The following DIAPH3 variants were observed in gnomAD, a reference collection of about 807,000 sequenced individuals.
DIAPH3 encodes protein diaphanous homolog 3.
DIAPH3 carries 117 observed loss-of-function variants against 144.3 expected under a neutral mutation model. That is an observed-to-expected ratio of 0.81 (90% confidence interval 0.70 to 0.95). The LOEUF (loss-of-function observed/expected upper bound fraction) is 0.95, where lower values mean the gene tolerates loss of function less well. Ranked by LOEUF, DIAPH3 falls within the 40% of genes least tolerant of loss-of-function variation. DIAPH3 has a pLI of 0.00. For missense variants in DIAPH3, 1,421 were observed against 1,412.7 expected (o/e 1.01, Z -0.09); for synonymous variants, 519 against 488.9 (o/e 1.06, Z -0.81).
intron 20 of DIAPH3, among the ~76,000 whole-genome samples, chr13:59,909,040 G>A (rs2046867958): frequency 6.6e-6 from 1 of 152,072 alleles, no homozygotes; most frequent in Non-Finnish European, 1.5e-5. Context: ...ATGTTTTTAA[G>A]GCAAGGATGT....
At chr13:59,996,224 C>T (rs2052181562) in intron 9 of DIAPH3, among the ~76,000 whole-genome samples, 1 of 152,072 alleles carries the variant, frequency 6.6e-6, no homozygotes, top group Non-Finnish European at 1.5e-5. Context: ...ATGCCATATG[C>T]AGCCAGTAAA....
chr13:59,709,858 A>C (rs2034637710), intron 27 of DIAPH3, among the ~76,000 whole-genome samples: 1 of 152,148 alleles, frequency 6.6e-6, no homozygotes, highest in Non-Finnish European at 1.5e-5. Context: ...ATGTCCAACA[A>C]TGATAGACTG....
chr13:59,924,523 G>GT (rs537212129), intron 18 of DIAPH3, among the ~76,000 whole-genome samples: 268 of 140,702 alleles, frequency 1.9e-3, no homozygotes, highest in South Asian at 0.011. Context: ...AAGAGTAGCT[G>GT]TTTTTTTTTT....
chr13:59,726,926 GAAT>G (rs1271044215), intron 27 of DIAPH3, among the ~76,000 whole-genome samples: 5 of 151,992 alleles, frequency 3.3e-5, no homozygotes, highest in Admixed American at 6.6e-5. Flanking sequence ...TAGAAATCAA[GAAT>G]AATAATAAAA....
chr13:59,841,160 C>G (rs2042321304), intron 22 of DIAPH3, among the ~76,000 whole-genome samples: 1 of 152,086 alleles, frequency 6.6e-6, no homozygotes, highest in South Asian at 2.1e-4. Context: ...ATAAGAGATT[C>G]CTTTTGCTCT....
chr13:60,049,609 C>T (rs1400091830), intron 4 of DIAPH3, among the ~76,000 whole-genome samples: 1 of 152,206 alleles, frequency 6.6e-6, no homozygotes, highest in African/African-American at 2.4e-5. Context: ...TCCCTTCCCC[C>T]AGTCTATGGA....
chr13:59,862,493 G>A (rs1424845589), intron 21 of DIAPH3, among the ~76,000 whole-genome samples: 2 of 152,066 alleles, frequency 1.3e-5, no homozygotes, highest in African/African-American at 4.8e-5. Flanking sequence ...TCTGAATGGA[G>A]GTTGTGCCTG....
chr13:59,791,861 G>A (rs904466650), intron 25 of DIAPH3, among the ~76,000 whole-genome samples: 4 of 152,132 alleles, frequency 2.6e-5, no homozygotes, highest in Non-Finnish European at 5.9e-5. Flanking sequence ...GAGACCAGGA[G>A]TATCTGAAAA....
intron 5 of DIAPH3, among the ~76,000 whole-genome samples, chr13:60,041,800 T>C (rs1246364068): frequency 3.3e-5 from 5 of 152,180 alleles, no homozygotes; most frequent in African/African-American, 1.2e-4. Flanking sequence ...TGAAATTCTC[T>C]GTTTCTGACT....
intron 24 of DIAPH3, among the ~76,000 whole-genome samples, chr13:59,831,700 C>T (rs867085039): frequency 1.3e-5 from 2 of 151,890 alleles, no homozygotes; most frequent in South Asian, 2.1e-4. Context: ...TGGCCCAAGG[C>T]CCCAGGTATA....
intron 20 of DIAPH3, among the ~76,000 whole-genome samples, chr13:59,907,221 G>A (rs1479789511): frequency 6.6e-6 from 1 of 152,084 alleles, no homozygotes; most frequent in East Asian, 1.9e-4. Context: ...ATTTTGTCCT[G>A]GACTGTCCAG....
chr13:60,079,312 G>A (rs1012726248), intron 4 of DIAPH3, among the ~76,000 whole-genome samples: 2 of 151,988 alleles, frequency 1.3e-5, no homozygotes, highest in East Asian at 3.8e-4. Flanking sequence ...AAAGCATACT[G>A]AAGGCTACAC....
intron 27 of DIAPH3, among the ~76,000 whole-genome samples, chr13:59,688,995 C>A (rs1372345651): frequency 1.3e-5 from 2 of 152,056 alleles, no homozygotes; most frequent in African/African-American, 4.8e-5. Flanking sequence ...AAAAAGCAAT[C>A]AACTACGTAG....
At chr13:59,822,525 C>T (rs1157786815) in intron 24 of DIAPH3, among the ~76,000 whole-genome samples, 4 of 152,076 alleles carry the variant, frequency 2.6e-5, no homozygotes, top group Non-Finnish European at 5.9e-5. Context: ...ACTGCAACCT[C>T]CGCCTCCTGG....
intron 12 of DIAPH3, among the ~76,000 whole-genome samples, chr13:59,990,621 A>T (rs182366675): frequency 6.6e-6 from 1 of 152,032 alleles, no homozygotes; most frequent in Admixed American, 6.6e-5. Context: ...TAATCTCCAT[A>T]TTTAGTCACA....
intron 3 of DIAPH3, among the ~76,000 whole-genome samples, chr13:60,096,606 C>T (rs942610777): frequency 6.6e-6 from 1 of 152,146 alleles, no homozygotes; most frequent in African/African-American, 2.4e-5. Flanking sequence ...TCAGTAAGGA[C>T]GATCCGCCCT....
intron 4 of DIAPH3, among the ~76,000 whole-genome samples, chr13:60,082,258 C>G (rs1193020319): frequency 6.8e-6 from 1 of 146,640 alleles, no homozygotes; most frequent in African/African-American, 2.6e-5. Context: ...ATGTTTAAAA[C>G]CTAAATAGAA....
chr13:59,678,586 C>T (rs753872220), intron 27 of DIAPH3, among the ~76,000 whole-genome samples: 1 of 152,274 alleles, frequency 6.6e-6, no homozygotes, highest in South Asian at 2.1e-4. Context: ...AAAAATCCAG[C>T]AAACACCGTG....
At chr13:59,853,409 T>C (rs942532511) in intron 22 of DIAPH3, among the ~76,000 whole-genome samples, 11 of 152,142 alleles carry the variant, frequency 7.2e-5, no homozygotes, top group Admixed American at 1.3e-4. Context: ...TAGGAGGTGA[T>C]TGGATCATGG....
Sources: allele counts gnomAD v4.1 joint callset (sites outside exome capture counted in the v4.1 genomes callset), GRCh38; gene constraint gnomAD v4.1.1; transcripts MANE v1.5; gene names NCBI Gene and HGNC (gene_info 2026-07-23, HGNC 2026-07-21).